The following RNF213 variants were observed in gnomAD, a reference collection of about 807,000 sequenced individuals.
RNF213 encodes the protein E3 ubiquitin-protein ligase RNF213.
RNF213 carries 341 observed loss-of-function variants against 514.4 expected under a neutral mutation model. The observed-to-expected ratio is 0.66, with a 90% CI of 0.61 to 0.73. The LOEUF is 0.73. Among genes scored for constraint, RNF213 ranks in the 30% least tolerant of loss-of-function variants. RNF213 has a pLI of 0.00. For synonymous variants in RNF213, 2,655 were observed against 2,658.2 expected, an observed-to-expected ratio of 1.00 and a Z score of 0.04; for missense variants, 5,767 against 6,615.6, an observed-to-expected ratio of 0.87 and a Z score of 4.45.
chr17:80,344,219 G>T lies in RNF213; in HGVS notation c.6342+204G>T, dbSNP rs1037623526. Among the ~76,000 whole-genome samples, 8 of 152,304 alleles carry T rather than the reference G, an allele frequency of 5.3e-5. 1 individual carries two copies. The South Asian group carries it at 1.0e-3, about 20-fold the overall frequency. On this transcript the variant is annotated intron_variant, in intron 28 of 67. Coordinates refer to ENST00000582970, the MANE Select transcript of RNF213 (RefSeq NM_001256071.3). ...GATAAAAGTACTCTTCTGTTAATTA[G>T]CAGTGTCTTCAATATTTCTGTTCAA... is the stretch of plus-strand genomic sequence containing the variant.
chr17:80,392,613 T>C (rs1035904297), intron 67 of RNF213, among the ~76,000 whole-genome samples: 1 of 151,992 alleles, frequency 6.6e-6, no homozygotes, highest in Non-Finnish European at 1.5e-5. Flanking sequence ...GGGTTTTTTT[T>C]TTTTCTCGCT....
intron 42 of RNF213, chr17:80,365,436 C>A (rs201639829): frequency 6.6e-6 from 1 of 151,944 alleles, no homozygotes; most frequent in Admixed American, 6.6e-5. Flanking sequence ...GCCCACGCTC[C>A]GTCTTGTCCC....
At chr17:80,273,199 C>G (rs767059655) in intron 2 of RNF213, 42 bp from the exon 3 acceptor site, 2 of 1,611,694 alleles carry the variant, frequency 1.2e-6, no homozygotes, top group African/African-American at 2.7e-5. Context: ...CTAACACTCG[C>G]TTCTCTCTGA....
At chr17:80,310,347 G>A (rs186996851) in intron 14 of RNF213, among the ~76,000 whole-genome samples, 25 of 152,050 alleles carry the variant, frequency 1.6e-4, no homozygotes, top group African/African-American at 6.0e-4. Context: ...CCGCCTCCTA[G>A]GTTCAAGTGA....
chr17:80,386,051 A>G (rs1026738723), intron 61 of RNF213, among the ~76,000 whole-genome samples, 199 bp from the exon 62 acceptor site: 39 of 152,006 alleles, frequency 2.6e-4, no homozygotes, highest in Non-Finnish European at 1.2e-4. Flanking sequence ...AACCCTCAGT[A>G]CTCTTCAGTC....
chr17:80,325,348 T>TG lies in RNF213; in HGVS notation c.3193+152dup, dbSNP rs1373184165. 2.2e-5 allele frequency: 17 copies of TG among 755,984 alleles called. No individual in the cohort carries two copies. The Admixed American group carries it at 3.4e-4, about 15-fold the overall frequency. 46.8% of individuals were successfully genotyped at this position (755,984 alleles called of 1,614,324 possible). On this transcript the variant is annotated intron_variant, in intron 18 of 67. Transcript: ENST00000582970. ...GGCTGCAGTTTGGACAGAGAGACCC[T>TG]GGAAGGCTCAGAGTGTCTTGCGTTG... is the stretch of plus-strand genomic sequence containing the variant.
intron 16 of RNF213, among the ~76,000 whole-genome samples, chr17:80,318,222 A>G (rs948418514): frequency 1.3e-5 from 2 of 151,532 alleles, no homozygotes; most frequent in Non-Finnish European, 2.9e-5. Flanking sequence ...AAAAAGCAAC[A>G]TTCTATTGGT....
intron 62 of RNF213, 25 bp downstream of exon 62, chr17:80,386,455 T>C (rs1426797756): frequency 1.2e-6 from 2 of 1,612,868 alleles, no homozygotes; most frequent in Non-Finnish European, 8.5e-7. Flanking sequence ...CACCAGGAAG[T>C]GGTGCCTGCT....
chr17:80,393,296 C>T (rs563682220), intron 67 of RNF213, 49 bp from the exon 68 acceptor site: 2 of 1,578,206 alleles, frequency 1.3e-6, no homozygotes, highest in Admixed American at 1.7e-5. Context: ...ACACGTGAGC[C>T]ACCATGCTGA....
At chr17:80,381,118 T>C in intron 56 of RNF213, 131 bp downstream of exon 56, 1 of 926,372 alleles carries the variant, frequency 1.1e-6, no homozygotes, top group African/African-American at 1.6e-5. Flanking sequence ...CAAAGTAATA[T>C]ACAAGTTATA....
intron 20 of RNF213, among the ~76,000 whole-genome samples, chr17:80,329,268 G>A (rs558513670): frequency 5.3e-4 from 81 of 152,214 alleles, no homozygotes; most frequent in Admixed American, 1.8e-3. Context: ...TTAAACCCTC[G>A]AATCCTTGTG....
At position 80,347,425 on chromosome 17, in the gene RNF213, G is replaced by A. The variant is rs781706363; in HGVS notation, c.9090G>A (p.Pro3030=). The A allele has an allele frequency of 1.2e-5, 19 of 1,613,896 alleles. No individual in the cohort carries two copies. In the African/African-American group the frequency reaches 1.2e-4, roughly 10 times the overall value. Residue 3030 remains proline (P), a synonymous_variant, in exon 29 of 68, where the codon CCG becomes CCA. Coordinates refer to ENST00000582970, the MANE Select transcript of RNF213 (RefSeq NM_001256071.3). This position sits in a 1 kb window ranked among gnomAD's most constrained non-coding sequence, Gnocchi z 7.2. ...QNIFGPSQKV[P]GGEQEDAESR... is the part of the protein sequence containing the mutation. ...TCTTTGGGCCTTCTCAGAAGGTGCCGGGTGGAGAGCAGGAAGATGCTGAGT... is the reference window on the plus strand; with the variant it reads ...TCTTTGGGCCTTCTCAGAAGGTGCCAGGTGGAGAGCAGGAAGATGCTGAGT...
rs1384867489 is a variant in RNF213 at position 80,361,775 on chromosome 17, C to T, written c.11242C>T (p.Leu3748=). The T allele has an allele frequency of 6.2e-7, 1 of 1,614,076 alleles. No individual in the cohort carries two copies. Among genetic ancestry groups the T allele is most frequent in the Admixed American group, 1.7e-5 (1 of 60,018 alleles). ...CGTGGACATCTTTCAGCAGACTCCT[C>T]TGGGCAGGTTTCTTGCCCAGCTCCA... The part of the protein sequence containing the change: ...KFVDIFQQTP[L]GRFLAQLHGE... Residue 3748 remains leucine, a synonymous_variant, in exon 39 of 68, where the codon CTG becomes TTG. Coordinates refer to ENST00000582970, the MANE Select transcript of RNF213 (RefSeq NM_001256071.3).
chr17:80,281,359 A>C, intron 3 of RNF213, among the ~76,000 whole-genome samples: 1 of 94,806 alleles, frequency 1.1e-5, no homozygotes, highest in Non-Finnish European at 2.1e-5. Flanking sequence ...CCCCACTCAC[A>C]CACACCTCAA....
At position 80,290,287 on chromosome 17, in the gene RNF213, C is replaced by CTG. The variant is rs897370747; in HGVS notation, c.1113-274_1113-273dup. On this transcript the variant is annotated intron_variant, in intron 6 of 67. Coordinates refer to ENST00000582970, the MANE Select transcript of RNF213 (RefSeq NM_001256071.3). Reference sequence around the variant, plus strand: ...CATTACGAACACAAGGACCATGTGCCTGTGTGTGTGCATGTGGGTGTGTGC... The same window carrying CTG: ...CATTACGAACACAAGGACCATGTGCCTGTGTGTGTGTGCATGTGGGTGTGTGC... 2.6e-5 allele frequency among the ~76,000 whole-genome samples: 4 copies of CTG among 152,132 alleles called. No individual in the cohort carries two copies. The South Asian group carries it at 6.2e-4, about 24-fold the overall frequency.
Position 80,336,258 on chromosome 17 carries a change from G to T in RNF213, c.4407G>T (p.Val1469=). 1 of 1,537,256 alleles carries T rather than the reference G, an allele frequency of 6.5e-7. No individual in the cohort carries two copies. The highest frequency in any genetic ancestry group is 8.7e-7 in the Non-Finnish European group (1 of 1,146,912). Residue 1469 remains valine, a synonymous_variant, in exon 23 of 68, where the codon GTG becomes GTT. Coordinates refer to ENST00000582970, the MANE Select transcript of RNF213 (RefSeq NM_001256071.3). ...GGGTGGCCTGCTTCCATGACGCTGT[G>T]CAGGGCTACGCATCCCTGCTATTTA... The part of the protein sequence containing the change: ...VDRVACFHDA[V]QGYASLLFKL...
At position 80,345,447 on chromosome 17, in the gene RNF213, A is replaced by G. The variant is rs1599070879; in HGVS notation, c.7112A>G (p.His2371Arg). 1 of 1,612,458 alleles carries G rather than the reference A, an allele frequency of 6.2e-7. No individual in the cohort carries two copies. The change falls in exon 29 of 68, where the codon CAC (histidine) becomes CGC (arginine). Residue 2371 changes from histidine (H) to arginine (R), a missense_variant. Coordinates refer to ENST00000582970, the MANE Select transcript of RNF213 (RefSeq NM_001256071.3). This position sits in a 1 kb window ranked among gnomAD's most constrained non-coding sequence, Gnocchi z 6.0. ...FNVDFDKLPR[H>R]KKLERLCLTL... ...GTCGACTTTGATAAACTGCCCAGAC[A>G]CAAGAAACTTGAGAGGCTCTGCCTG...
At chr17:80,337,475 GTGGGGAGAAGGCTC>G in intron 23 of RNF213, 97 bp from the exon 24 acceptor site, 1 of 1,399,842 alleles carries the variant, frequency 7.1e-7, no homozygotes, top group Non-Finnish European at 9.6e-7. Flanking sequence ...CTGGGGAAGC[GTGGGGAGAAGGCTC>G]TGCAGCGAGG....
At chr17:80,319,632 T>C (rs1465433200) in intron 17 of RNF213, 8 of 1,517,440 alleles carry the variant, frequency 5.3e-6, no homozygotes, top group African/African-American at 1.4e-5. Context: ...CTGTGGCTGC[T>C]GGTTTGATTG....
Sources: gnomAD v4.1 joint callset for allele counts (sites outside exome capture counted in the v4.1 genomes callset) on GRCh38, gnomAD v4.1.1 for gene constraint, Gnocchi (gnomAD v3.1) non-coding constraint, MANE v1.5 for transcripts, NCBI Gene and HGNC (gene_info 2026-07-23, HGNC 2026-07-21) for gene names.